The following ABCA2 variants were observed in gnomAD, a reference collection of about 807,000 sequenced individuals.
The protein encoded by ABCA2 is ATP-binding cassette sub-family A member 2.
Under a neutral mutation model 262.8 loss-of-function variants are expected in ABCA2, and 84 were observed. The observed-to-expected ratio is 0.32, with a 90% CI of 0.27 to 0.38. The LOEUF (loss-of-function observed/expected upper bound fraction) is 0.38. Ranked by LOEUF, ABCA2 falls within the 10% of genes least tolerant of loss-of-function variation. The pLI is 1.00. For synonymous variants in ABCA2, 1,696 were observed against 1,502.9 expected (o/e 1.13, Z -2.97); for missense variants, 2,662 against 3,405.9 (o/e 0.78, Z 5.44).
upstream of ABCA2, chr9:137,028,856 C>T (rs764180434): frequency 3.0e-6 from 4 of 1,324,950 alleles, no homozygotes; most frequent in South Asian, 4.9e-5. The surrounding 1 kb of genome is among the most constrained non-coding windows in gnomAD (Gnocchi z 6.9). Flanking sequence ...CTGCACGCGG[C>T]TCGTTTTTCT....
chr9:137,020,802 CCCT>C lies in ABCA2; in HGVS notation c.1154_1156del (p.Glu385del), dbSNP rs1406639663. ...GGCCAGTGCTGCAGCAGAGGGTGCG[CCCT>C]CCTCAGCGGTGGCGTTGGGGCCCAT... On this transcript the variant is annotated inframe_deletion, in exon 9 of 49. Coordinates refer to ENST00000341511, the MANE Select transcript of ABCA2 (RefSeq NM_001606.5). 6.3e-7 allele frequency: 1 copy of C among 1,578,942 alleles called. No individual in the cohort carries two copies. The highest frequency in any genetic ancestry group is 1.8e-5 in the Admixed American group (1 of 56,118).
chr9:137,020,176 C>T (rs1334054838), intron 10 of ABCA2, 160 bp downstream of exon 10: 22 of 885,884 alleles, frequency 2.5e-5, no homozygotes, highest in Non-Finnish European at 3.3e-5. Flanking sequence ...GAAAAGCGAC[C>T]CCCTGGTCCC....
rs749154739 is a variant in ABCA2 at position 137,011,446 on chromosome 9, G to A, written c.5760C>T (p.Thr1920=). 2.9e-5 allele frequency: 46 copies of A among 1,611,038 alleles called. No individual in the cohort carries two copies. The highest frequency in any genetic ancestry group is 1.6e-4 in the Middle Eastern group (1 of 6,080). Residue 1920 remains threonine, a synonymous_variant, in exon 37 of 49, where the codon ACC becomes ACT. Coordinates refer to ENST00000341511, the MANE Select transcript of ABCA2 (RefSeq NM_001606.5). This position sits in a 1 kb window ranked among gnomAD's most constrained non-coding sequence, Gnocchi z 8.8. ...AGAGCTGTAGCAGGAAGGTGGCCAC[G>A]GTGGCGGTGATGCCGATGAAGAGAT... ...VINLFIGITA[T]VATFLLQLFE... is the part of the protein sequence containing the mutation.
In ABCA2 at chr9:137,016,651, C is replaced by G. The variant is rs779115442; in HGVS notation, c.2846G>C (p.Ser949Thr). 5.0e-6 allele frequency: 8 copies of G among 1,607,422 alleles called. 1 individual carries two copies. In the East Asian group the frequency reaches 1.8e-4, roughly 36 times the overall value. Residue 949 changes from serine (S) to threonine (T), a missense_variant, in exon 20 of 49, where the codon AGC becomes ACC. By Grantham distance (58) the Ser-to-Thr change is moderately conservative. Around this residue, in one of 12 missense-constraint regions of ABCA2, gnomAD observed 133 missense variants for 150.8 expected, o/e 0.88. Coordinates refer to ENST00000341511, the MANE Select transcript of ABCA2 (RefSeq NM_001606.5). Reference sequence around the variant, plus strand: ...GCGGGGGGTGCGTGCCCACGGCCAGCTCCACTCCCAGGCTTCTGTCCGCCC... The same window carrying G: ...GCGGGGGGTGCGTGCCCACGGCCAGGTCCACTCCCAGGCTTCTGTCCGCCC... ...GSGRTEAWEW[S>T]WPWARTPRLS...
Position 137,010,363 on chromosome 9 carries a change from C to G in ABCA2, c.6183G>C (p.Lys2061Asn). The change falls in exon 41 of 49, where the codon AAG becomes AAC. Residue 2061 changes from lysine to asparagine, a missense_variant. Lys to Asn is a moderately conservative substitution (Grantham distance 94). Transcript: ENST00000341511. The part of the protein sequence containing the change: ...VKIENLTKVY[K>N]SRKIGRILAV... The stretch of plus-strand genomic sequence containing the variant: ...CCAGGATACGGCCAATCTTCCGGGA[C>G]TTGTAGACCTGGCCAGGAGCCTGCC... 6.4e-7 allele frequency: 1 copy of G among 1,569,920 alleles called. No individual in the cohort carries two copies. Among genetic ancestry groups the G allele is most frequent in the South Asian group, 1.2e-5 (1 of 85,658 alleles).
intron 1 of ABCA2, 138 bp downstream of exon 1, chr9:137,027,937 G>C (rs946976466): frequency 4.0e-6 from 1 of 251,608 alleles, no homozygotes; most frequent in Admixed American, 6.6e-5. Flanking sequence ...GGCGGGGAGG[G>C]GGCTCGGGCC....
Position 137,016,013 on chromosome 9 carries a change from T to C in ABCA2, c.3266A>G (p.Tyr1089Cys). 1 of 1,554,038 alleles carries C rather than the reference T, an allele frequency of 6.4e-7. No individual in the cohort carries two copies. The highest frequency in any genetic ancestry group is 8.7e-7 in the Non-Finnish European group (1 of 1,145,582). The change falls in exon 22 of 49, where the codon TAC becomes TGC. Residue 1089 changes from tyrosine (Y) to cysteine (C), a missense_variant. Around this residue, in one of 12 missense-constraint regions of ABCA2, gnomAD observed 180 missense variants for 307.3 expected, o/e 0.59. Transcript: ENST00000341511. ...CTGAGCCATGCTCTTGAGCCGTGAGTAGAACCAGAGGTGTTCCTCCACCGT... is the reference window on the plus strand; with the variant it reads ...CTGAGCCATGCTCTTGAGCCGTGAGCAGAACCAGAGGTGTTCCTCCACCGT... ...RLTVEEHLWF[Y>C]SRLKSMAQEE...
rs777094672 is a variant in ABCA2, at chr9:137,022,846, G to A, written c.295C>T (p.Arg99Cys). 9 of 1,563,688 alleles carry A rather than the reference G, an allele frequency of 5.8e-6. No individual in the cohort carries two copies. The East Asian group carries it at 1.2e-4, about 21-fold the overall frequency. Residue 99 changes from arginine (R) to cysteine (C), a missense_variant, in exon 5 of 49, where the codon CGC (arginine) becomes TGC (cysteine). Coordinates refer to ENST00000341511, the MANE Select transcript of ABCA2 (RefSeq NM_001606.5). Reference protein sequence around the residue: ...ANSTVTQLLERLDRVVEEGNL... With the variant: ...ANSTVTQLLECLDRVVEEGNL... ...CCTTCCTCCACCACGCGGTCCAGGC[G>A]CTCAAGCAGCTGCGTGACCCTGCAC... is the stretch of plus-strand genomic sequence containing the variant.
chr9:137,020,160 C>CCTGGAGCCCAGGG, intron 10 of ABCA2, 176 bp downstream of exon 10: 5 of 818,318 alleles, frequency 6.1e-6, no homozygotes, highest in Non-Finnish European at 9.4e-6. Flanking sequence ...CTGGAGCTCC[C>CCTGGAGCCCAGGG]GAAAGGAAAA....
Position 137,012,538 on chromosome 9 carries a change from C to T in ABCA2, c.5134G>A (p.Gly1712Ser), listed in dbSNP as rs149871834. ...NVLKSIPASF[G>S]TRAPPMVRKI... ...CGCACCATGGGTGGGGCCCTGGTGCCAAATGAGGCTGGGATGGACTTCAGG... is the reference window on the plus strand; with the variant it reads ...CGCACCATGGGTGGGGCCCTGGTGCTAAATGAGGCTGGGATGGACTTCAGG... The change falls in exon 32 of 49, where the codon GGC becomes AGC. Residue 1712 changes from glycine (G) to serine (S), a missense_variant. Around this residue, in one of 12 missense-constraint regions of ABCA2, gnomAD observed 602 missense variants for 897.4 expected, o/e 0.67. Transcript: ENST00000341511. The T allele has an allele frequency of 4.5e-3, 7,195 of 1,612,054 alleles. 29 individuals carry two copies. The highest frequency in any genetic ancestry group is 5.3e-3 in the Non-Finnish European group (6,237 of 1,179,884).
At chr9:137,024,264 A>G (rs1252305339) in intron 1 of ABCA2, 28 bp from the exon 2 acceptor site, 2 of 1,573,570 alleles carry the variant, frequency 1.3e-6, no homozygotes, top group African/African-American at 1.3e-5. Context: ...AGTGAGGGAT[A>G]GGACAGACCT....
Position 137,019,162 on chromosome 9 carries a change from C to T in ABCA2, c.1554+16G>A, listed in dbSNP as rs748396514. On this transcript the variant is annotated intron_variant, in intron 11 of 48. Coordinates refer to ENST00000341511, the MANE Select transcript of ABCA2 (RefSeq NM_001606.5). This position sits in a 1 kb window ranked among gnomAD's most constrained non-coding sequence, Gnocchi z 4.4. ...ACACCACCCACAGCCGCCTCCCTCG[C>T]GGGCACCCTTGGCACCTGCTGCAGC... 8.7e-6 allele frequency: 14 copies of T among 1,608,168 alleles called. No individual in the cohort carries two copies. The highest frequency in any genetic ancestry group is 2.7e-5 in the African/African-American group (2 of 74,836).
chr9:137,020,024 CG>C, intron 10 of ABCA2: 1 of 321,320 alleles, frequency 3.1e-6, no homozygotes, highest in Non-Finnish European at 5.8e-6. Flanking sequence ...CCCAGCTGCC[CG>C]CCCACGAGAC....
intron 48 of ABCA2, 71 bp downstream of exon 48, chr9:137,008,345 C>T (rs4880187): frequency 6.6e-7 from 1 of 1,526,154 alleles, no homozygotes; most frequent in African/African-American, 1.4e-5. Context: ...ACCCCACCCG[C>T]GGCTGGAGCC....
intron 1 of ABCA2, among the ~76,000 whole-genome samples, chr9:137,026,214 C>T (rs529984682): frequency 6.6e-6 from 1 of 152,342 alleles, no homozygotes; most frequent in South Asian, 2.1e-4. Flanking sequence ...GAAACTGAGG[C>T]AAAGAGCTTG....
rs765288991 is a variant in ABCA2 at position 137,008,599 on chromosome 9, C to G, written c.7092G>C (p.Lys2364Asn). 1.9e-6 allele frequency: 3 copies of G among 1,595,700 alleles called. No homozygotes were observed. Among genetic ancestry groups the G allele is most frequent in the Non-Finnish European group, 2.6e-6 (3 of 1,171,126 alleles). ...LDNVFVNFAK[K>N]QSDNLEQQET... is the part of the protein sequence containing the mutation. ...CCTGCTGCTCCAGGTTGTCACTCTG[C>G]TTCTTGGCAAAGTTCACGAACACCT... Residue 2364 changes from lysine (K) to asparagine (N), a missense_variant, in exon 48 of 49, where the codon AAG (lysine) becomes AAC (asparagine). Physicochemically the swap from Lys to Asn is moderately conservative, Grantham distance 94. Around this residue, in one of 12 missense-constraint regions of ABCA2, gnomAD observed 212 missense variants for 214.4 expected, o/e 0.99. Coordinates refer to ENST00000341511, the MANE Select transcript of ABCA2 (RefSeq NM_001606.5).
In ABCA2 at chr9:137,008,873, A is replaced by AG; in HGVS notation, c.6931-6dup. 8.7e-6 allele frequency: 14 copies of AG among 1,603,236 alleles called. No homozygotes were observed. The highest frequency in any genetic ancestry group is 3.3e-5 in the South Asian group (3 of 90,738). ...CACCTTTGTGTGGTGCCGCTCCTGCAGGGGGGGAGGTCAGAGGCCTGGCAG... is the reference window on the plus strand; with the variant it reads ...CACCTTTGTGTGGTGCCGCTCCTGCAGGGGGGGGAGGTCAGAGGCCTGGCAG... On this transcript the variant is annotated splice_polypyrimidine_tract_variant and splice_region_variant and intron_variant, in intron 46 of 48. Coordinates refer to ENST00000341511, the MANE Select transcript of ABCA2 (RefSeq NM_001606.5).
In ABCA2 at chr9:137,010,122, A is replaced by G; in HGVS notation, c.6356T>C (p.Val2119Ala). The change falls in exon 42 of 49, where the codon GTG (valine) becomes GCG (alanine). Residue 2119 changes from valine to alanine, a missense_variant and splice_region_variant. Physicochemically the swap from Val to Ala is moderately conservative, Grantham distance 64 (BLOSUM62 0). Around this residue, in one of 12 missense-constraint regions of ABCA2, gnomAD observed 602 missense variants for 897.4 expected, o/e 0.67. Coordinates refer to ENST00000341511, the MANE Select transcript of ABCA2 (RefSeq NM_001606.5). ...CTGCACCTGGAGCAGCTCCTTCAGCACGCTGGGGACACGGCAGCTGTCAGC... is the reference window on the plus strand; with the variant it reads ...CTGCACCTGGAGCAGCTCCTTCAGCGCGCTGGGGACACGGCAGCTGTCAGC... ...GGEAFVNGHS[V>A]LKELLQVQQS... is the part of the protein sequence containing the mutation. 1 of 1,592,776 alleles carries G rather than the reference A, an allele frequency of 6.3e-7. No homozygotes were observed. Among genetic ancestry groups the G allele is most frequent in the Non-Finnish European group, 8.5e-7 (1 of 1,174,920 alleles).
rs1234460748 is a variant in ABCA2, at chr9:137,021,128, G to A, written c.898-67C>T. On this transcript the variant is annotated intron_variant, in intron 8 of 48. Coordinates refer to ENST00000341511, the MANE Select transcript of ABCA2 (RefSeq NM_001606.5). The surrounding 1 kb of genome is among the most constrained non-coding windows in gnomAD (Gnocchi z 6.0). Reference sequence around the variant, plus strand: ...ACTGCAGGTGGGTGATAGGTCAGGAGTGGAGCAGGGAGACAGCAGCAGGGA... The same window carrying A: ...ACTGCAGGTGGGTGATAGGTCAGGAATGGAGCAGGGAGACAGCAGCAGGGA... 5 of 1,441,104 alleles carry A rather than the reference G, an allele frequency of 3.5e-6. No homozygotes were observed. Among genetic ancestry groups the A allele is most frequent in the Middle Eastern group, 2.2e-4 (1 of 4,484 alleles). 89.3% of individuals were successfully genotyped at this position (1,441,104 alleles called of 1,614,324 possible).
Sources: gnomAD v4.1 joint callset for allele counts (sites outside exome capture counted in the v4.1 genomes callset) on GRCh38, gnomAD v4.1.1 for gene constraint, gnomAD v4.1.1 regional missense constraint, Gnocchi (gnomAD v3.1) non-coding constraint, MANE v1.5 for transcripts, NCBI Gene and HGNC (gene_info 2026-07-23, HGNC 2026-07-21) for gene names.